The following MYO19 variants were observed in gnomAD, a reference collection of about 807,000 sequenced individuals.
MYO19 encodes myosin XIX.
Under a neutral mutation model 129.2 loss-of-function variants are expected in MYO19, and 132 were observed. The ratio of observed to expected loss-of-function variants is 1.02; its 90% CI spans 0.89 to 1.18. The LOEUF is 1.18. Among genes scored for constraint, MYO19 ranks in the 50% most tolerant of loss-of-function variants. MYO19 has a pLI of 0.00. For missense variants in MYO19, 1,210 were observed against 1,216.7 expected (o/e 0.99, Z 0.08); for synonymous variants, 531 against 477.2 (o/e 1.11, Z -1.47).
rs1326934027 is a variant in MYO19 at position 36,498,339 on chromosome 17, C to T, written c.2684G>A (p.Gly895Asp). ...CTGGACAGTGTAGCTACTGGGGCTG[C>T]CCCTGGGGAGCTGGAGGCAAGCCCA... The part of the protein sequence containing the change: ...VVWACLQLPR[G>D]SPSSYTVQTA... The change falls in exon 25 of 26, where the codon GGC becomes GAC. Residue 895 changes from glycine to aspartate, a missense_variant. By Grantham distance (94) the Gly-to-Asp change is moderately conservative (BLOSUM62 -1). Transcript: ENST00000614623. 3.7e-6 allele frequency: 6 copies of T among 1,613,858 alleles called. No individual in the cohort carries two copies. The highest frequency in any genetic ancestry group is 5.1e-6 in the Non-Finnish European group (6 of 1,179,902).
At position 36,528,217 on chromosome 17, in the gene MYO19, G is replaced by A. The variant is rs749889504; in HGVS notation, c.13-15C>T. 5.8e-6 allele frequency: 9 copies of A among 1,557,960 alleles called. No homozygotes were observed. In the African/African-American group the frequency reaches 9.5e-5, roughly 17 times the overall value. On this transcript the variant is annotated splice_polypyrimidine_tract_variant and intron_variant, in intron 3 of 25. Coordinates refer to ENST00000614623, the MANE Select transcript of MYO19 (RefSeq NM_001163735.2). ...TGGCCATTGACCTGGAAGAGATAAC[G>A]TGAAGGTGAGGCCAGGCACAGTGGC...
chr17:36,525,406 A>T, intron 5 of MYO19, 65 bp from the exon 6 acceptor site: 1 of 1,196,894 alleles, frequency 8.4e-7, no homozygotes, highest in Non-Finnish European at 1.2e-6. Flanking sequence ...GACTGAGCCA[A>T]TGATGACTGA....
intron 5 of MYO19, among the ~76,000 whole-genome samples, chr17:36,527,167 A>AAAT (rs1567786386): frequency 1.3e-4 from 20 of 148,160 alleles, no homozygotes; most frequent in South Asian, 6.7e-4. Flanking sequence ...ACTCCATCTC[A>AAAT]AAATAAATAA....
At chr17:36,522,618 C>T (rs2073206564) in intron 6 of MYO19, among the ~76,000 whole-genome samples, 1 of 152,048 alleles carries the variant, frequency 6.6e-6, no homozygotes, top group African/African-American at 2.4e-5. Context: ...GCCTGTAAAC[C>T]CAGCACTTTG....
At chr17:36,516,454 T>A (rs1277109388) in intron 6 of MYO19, among the ~76,000 whole-genome samples, 2 of 152,084 alleles carry the variant, frequency 1.3e-5, no homozygotes, top group African/African-American at 4.8e-5. Context: ...CTCTGCAACC[T>A]CTGCCTCCTG....
At chr17:36,537,504 A>G (rs2074158687), upstream of MYO19, 1 of 1,614,046 alleles carries the variant, frequency 6.2e-7, no homozygotes, top group Non-Finnish European at 8.5e-7. Flanking sequence ...TTTCCGTGTA[A>G]TTACCAGTGC....
intron 5 of MYO19, among the ~76,000 whole-genome samples, chr17:36,526,670 T>C (rs2073486022): frequency 6.6e-6 from 1 of 152,128 alleles, no homozygotes; most frequent in South Asian, 2.1e-4. Flanking sequence ...GTGGATCACT[T>C]GAGGTCAGGA....
intron 25 of MYO19, chr17:36,497,637 T>G (rs1454527238): frequency 9.6e-6 from 7 of 732,920 alleles, no homozygotes; most frequent in Non-Finnish European, 1.2e-5. Flanking sequence ...CAGGCTGGAG[T>G]GCAGCGGCGC....
At position 36,510,907 on chromosome 17, in the gene MYO19, C is replaced by A. The variant is rs748048339; in HGVS notation, c.996G>T (p.Arg332Ser). Residue 332 changes from arginine to serine, a missense_variant, in exon 13 of 26, where the codon AGG (arginine) becomes AGT (serine). Coordinates refer to ENST00000614623, the MANE Select transcript of MYO19 (RefSeq NM_001163735.2). ...QPMDDAKYSV[R>S]TAASLLGLPE... ...GGAGCCCCAGCAGCGAGGCTGCCGT[C>A]CTGACAGAGTCTGGGAGGGGCAAAT... 2.5e-6 allele frequency: 4 copies of A among 1,575,920 alleles called. No homozygotes were observed. The East Asian group carries it at 9.3e-5, about 37-fold the overall frequency.
intron 6 of MYO19, among the ~76,000 whole-genome samples, chr17:36,518,587 T>A (rs1296906890): frequency 9.2e-5 from 12 of 130,102 alleles, no homozygotes; most frequent in Non-Finnish European, 1.9e-4. Context: ...TACATAAAAG[T>A]ATGTATATAT....
intron 6 of MYO19, among the ~76,000 whole-genome samples, chr17:36,520,990 T>G (rs1183533367): frequency 6.6e-6 from 1 of 152,240 alleles, no homozygotes; most frequent in Non-Finnish European, 1.5e-5. Context: ...TCACCAACAG[T>G]TAAGTTCACT....
chr17:36,537,113 G>A (rs2074150554), upstream of MYO19: 1 of 1,587,634 alleles, frequency 6.3e-7, no homozygotes, highest in Admixed American at 1.9e-5. Context: ...TGTCTGAAAA[G>A]CAGATGAAGG....
In MYO19 at chr17:36,515,081, C is replaced by T. The variant is rs1266023565; in HGVS notation, c.617+32G>A. On this transcript the variant is annotated intron_variant, in intron 8 of 25. Coordinates refer to ENST00000614623, the MANE Select transcript of MYO19 (RefSeq NM_001163735.2). ...CACTTTCAACCTCCCCAGTCCCATC[C>T]TCCCACTAGCCAGGGCAACAGCAGC... 1.9e-6 allele frequency: 3 copies of T among 1,582,112 alleles called. No homozygotes were observed. The Admixed American group carries it at 5.4e-5, about 29-fold the overall frequency.
At chr17:36,534,435 C>A (rs2074007796) in intron 1 of MYO19, among the ~76,000 whole-genome samples, 1 of 152,184 alleles carries the variant, frequency 6.6e-6, no homozygotes, top group Admixed American at 6.5e-5. Context: ...GCCCTGACAC[C>A]TCCCGGGACC....
In MYO19 at chr17:36,531,944, T is replaced by C. The variant is rs536795377; in HGVS notation, c.12+583A>G. On this transcript the variant is annotated intron_variant, in intron 3 of 25. Transcript: ENST00000614623. ...CAAGAGTTACACATGAAGGATGATA[T>C]GGGTATGAGAGAGAGCTCCGCTGTA... Among the ~76,000 whole-genome samples the C allele has an allele frequency of 5.9e-5, 9 of 152,284 alleles. No homozygotes were observed. The East Asian group carries it at 1.2e-3, about 20-fold the overall frequency.
upstream of MYO19, chr17:36,537,533 T>A: frequency 6.2e-7 from 1 of 1,614,184 alleles, no homozygotes; most frequent in Admixed American, 1.7e-5. Context: ...CTATTGCTAT[T>A]TTGGCTGTGG....
intron 17 of MYO19, 63 bp from the exon 18 acceptor site, chr17:36,506,671 T>C: frequency 6.7e-7 from 1 of 1,489,766 alleles, no homozygotes; most frequent in Non-Finnish European, 8.9e-7. Flanking sequence ...GGCCATCCAC[T>C]GCCCACCCAA....
At chr17:36,529,723 C>G (rs2073713636) in intron 3 of MYO19, among the ~76,000 whole-genome samples, 1 of 152,054 alleles carries the variant, frequency 6.6e-6, no homozygotes, top group Non-Finnish European at 1.5e-5. Context: ...AAAAAACCAC[C>G]ACTACACAAA....
intron 20 of MYO19, 38 bp from the exon 21 acceptor site, chr17:36,503,238 A>G: frequency 1.3e-6 from 2 of 1,507,260 alleles, no homozygotes; most frequent in Non-Finnish European, 1.8e-6. Flanking sequence ...GAATTACTTC[A>G]TCTGTGAGCC....
Sources: gnomAD v4.1 joint callset for allele counts (sites outside exome capture counted in the v4.1 genomes callset) on GRCh38, gnomAD v4.1.1 for gene constraint, MANE v1.5 for transcripts, NCBI Gene and HGNC (gene_info 2026-07-23, HGNC 2026-07-21) for gene names.